The following PCDH15 variants were observed in gnomAD, a reference collection of about 807,000 sequenced individuals.
The protein encoded by PCDH15 is protocadherin-15.
Under a neutral mutation model 178.5 loss-of-function variants are expected in PCDH15, and 129 were observed. The ratio of observed to expected loss-of-function variants is 0.72; its 90% CI spans 0.63 to 0.84. The LOEUF (loss-of-function observed/expected upper bound fraction) is 0.84, where lower values mean the gene tolerates loss of function less well. Among genes scored for constraint, PCDH15 ranks in the 40% least tolerant of loss-of-function variants. The pLI, the probability that PCDH15 is intolerant of heterozygous loss-of-function variation, is 0.00. For missense variants in PCDH15, 2,230 were observed against 2,099.9 expected (o/e 1.06, Z -1.21); for synonymous variants, 800 against 732.0 (o/e 1.09, Z -1.50).
chr10:54,024,038 T>C (rs899643720), intron 18 of PCDH15, among the ~76,000 whole-genome samples: 2 of 152,140 alleles, frequency 1.3e-5, no homozygotes, highest in African/African-American at 4.8e-5. Flanking sequence ...CATTAGAATA[T>C]ACATCTCTGC....
chr10:54,320,911 G>C (rs998411286), intron 7 of PCDH15, among the ~76,000 whole-genome samples: 1 of 151,704 alleles, frequency 6.6e-6, no homozygotes, highest in African/African-American at 2.4e-5. Context: ...GCATCATCCA[G>C]TGTTTTAAAT....
At chr10:54,745,694 G>A (rs1424908712) in intron 1 of PCDH15, among the ~76,000 whole-genome samples, 1 of 152,056 alleles carries the variant, frequency 6.6e-6, no homozygotes. Context: ...TTAAAGAATG[G>A]GGGAGGGTAA....
intron 10 of PCDH15, 76 bp downstream of exon 10, chr10:54,213,860 G>T: frequency 1.1e-6 from 1 of 931,796 alleles, no homozygotes; most frequent in Non-Finnish European, 1.7e-6. Flanking sequence ...ACATAAAACT[G>T]CCTACAGTAG....
At chr10:54,225,158 G>C (rs2134236868) in intron 9 of PCDH15, among the ~76,000 whole-genome samples, 1 of 152,216 alleles carries the variant, frequency 6.6e-6, no homozygotes, top group South Asian at 2.1e-4. Flanking sequence ...ACACTAGAAA[G>C]ACCGAGTTCT....
At position 53,811,584 on chromosome 10, in the gene PCDH15, C is replaced by G. The variant is rs770830769; in HGVS notation, c.4527G>C (p.Gln1509His). ...LSMESGIDPG[Q>H]EYGQDYYSYE... Reference sequence around the variant, plus strand: ...AACTGTAATAATCTTGTCCATATTCCTGGCCAGGATCAATTCCAGACTCCA... The same window carrying G: ...AACTGTAATAATCTTGTCCATATTCGTGGCCAGGATCAATTCCAGACTCCA... Residue 1509 changes from glutamine to histidine, a missense_variant, in exon 36 of 38, where the codon CAG (glutamine) becomes CAC (histidine). Physicochemically the swap from Gln to His is conservative, Grantham distance 24. Transcript: ENST00000644397. 1.9e-6 allele frequency: 3 copies of G among 1,571,854 alleles called. No individual in the cohort carries two copies. Among genetic ancestry groups the G allele is most frequent in the Middle Eastern group, 3.4e-4 (2 of 5,916 alleles).
chr10:55,098,995 G>T (rs1198903447), intron 2 of PCDH15, among the ~76,000 whole-genome samples: 1 of 151,008 alleles, frequency 6.6e-6, no homozygotes, highest in Non-Finnish European at 1.5e-5. Context: ...ACTCTCTTGT[G>T]TGTTGCGTGT....
chr10:54,059,940 A>T (rs1911382), intron 18 of PCDH15, among the ~76,000 whole-genome samples: 4 of 152,028 alleles, frequency 2.6e-5, no homozygotes, highest in East Asian at 1.9e-4. Flanking sequence ...TAGAGCTGTC[A>T]GTCTATCCAA....
intron 23 of PCDH15, among the ~76,000 whole-genome samples, chr10:53,948,134 A>AGT: frequency 6.6e-6 from 1 of 152,096 alleles, no homozygotes; most frequent in Non-Finnish European, 1.5e-5. Context: ...CTGGACTTAC[A>AGT]ACGGGGTTAG....
At chr10:53,895,189 C>T (rs1057248163) in intron 26 of PCDH15, among the ~76,000 whole-genome samples, 1 of 152,136 alleles carries the variant, frequency 6.6e-6, no homozygotes, top group Non-Finnish European at 1.5e-5. Flanking sequence ...TGTCTAGAAA[C>T]ATTATGTATT....
At chr10:54,566,021 T>C (rs1207011777) in intron 2 of PCDH15, among the ~76,000 whole-genome samples, 3 of 152,084 alleles carry the variant, frequency 2.0e-5, no homozygotes, top group African/African-American at 7.2e-5. Context: ...GAAGCGGAGT[T>C]TGCAGCGAGC....
At chr10:55,442,796 T>C (rs886868685) in intron 2 of PCDH15, among the ~76,000 whole-genome samples, 1 of 151,954 alleles carries the variant, frequency 6.6e-6, no homozygotes, top group East Asian at 1.9e-4. Flanking sequence ...CCCATTTTTT[T>C]CCAGATTAAA....
rs766039931 is a variant in PCDH15, at chr10:53,827,457, G to T, written c.4303C>A (p.Pro1435Thr). ...AVPAPAPVAA[P>T]PPPPPPPPGA... ...GGCGGAGGCGGCGGCGGCGGCGGGG[G>T]CGCTGCCACTGGTGCAGGAGCCGGC... The change falls in exon 32 of 38, where the codon CCC (proline) becomes ACC (threonine). Residue 1435 changes from proline (P) to threonine (T), a missense_variant. By Grantham distance (38) the Pro-to-Thr change is conservative (BLOSUM62 -1). Coordinates refer to ENST00000644397, the MANE Select transcript of PCDH15 (RefSeq NM_001384140.1). The T allele has an allele frequency of 6.8e-6, 11 of 1,613,618 alleles. No individual in the cohort carries two copies. In the East Asian group the frequency reaches 2.0e-4, roughly 29 times the overall value.
chr10:54,584,449 C>T (rs991801777), intron 2 of PCDH15, among the ~76,000 whole-genome samples: 1 of 151,932 alleles, frequency 6.6e-6, no homozygotes, highest in Non-Finnish European at 1.5e-5. Context: ...CAAACACTCT[C>T]AATAGTTTTT....
rs371497605 is a variant in PCDH15 at position 54,023,014 on chromosome 10, T to C, written c.2404A>G (p.Thr802Ala). Residue 802 changes from threonine to alanine, a missense_variant, in exon 19 of 38, where the codon ACT (threonine) becomes GCT (alanine). Physicochemically the swap from Thr to Ala is moderately conservative, Grantham distance 58 (BLOSUM62 0). Coordinates refer to ENST00000644397, the MANE Select transcript of PCDH15 (RefSeq NM_001384140.1). ...AAAACCTTGATGGCCAAGGTTAGAG[T>C]TGAATGACGAGGGTGTACTGCTCCA... The part of the protein sequence containing the change: ...TDGAVHPRHS[T>A]LTLAIKVLDI... 8.1e-6 allele frequency: 13 copies of C among 1,613,918 alleles called. No homozygotes were observed. The highest frequency in any genetic ancestry group is 1.0e-5 in the Non-Finnish European group (12 of 1,179,888).
intron 1 of PCDH15, among the ~76,000 whole-genome samples, chr10:55,178,176 TG>T (rs2132131101): frequency 6.6e-6 from 1 of 152,218 alleles, no homozygotes; most frequent in African/African-American, 2.4e-5. Flanking sequence ...TTCCTTCCAT[TG>T]GCAGTGGCAT....
chr10:53,961,914 T>A (rs778880660), intron 21 of PCDH15, 22 bp from the exon 22 acceptor site: 16 of 1,586,028 alleles, frequency 1.0e-5, no homozygotes, highest in Non-Finnish European at 1.3e-5. Context: ...TTATTAATTA[T>A]TAATTTGCTG....
At chr10:54,361,810 T>C (rs1172001768) in intron 5 of PCDH15, among the ~76,000 whole-genome samples, 1 of 152,106 alleles carries the variant, frequency 6.6e-6, no homozygotes, top group African/African-American at 2.4e-5. Flanking sequence ...GAAATAAATA[T>C]GAATTTTCAA....
intron 6 of PCDH15, among the ~76,000 whole-genome samples, chr10:54,335,862 G>T (rs1471825647): frequency 2.0e-5 from 3 of 152,134 alleles, no homozygotes; most frequent in African/African-American, 7.2e-5. Context: ...GGCAGAGGTT[G>T]GAACAGTTTG....
intron 2 of PCDH15, among the ~76,000 whole-genome samples, chr10:54,655,274 G>GAGAT: frequency 1.7e-5 from 2 of 120,726 alleles, no homozygotes; most frequent in Non-Finnish European, 3.6e-5. Flanking sequence ...GAGAGAGAGA[G>GAGAT]AGAGAGAGAG....
Sources: allele counts gnomAD v4.1 joint callset (sites outside exome capture counted in the v4.1 genomes callset), GRCh38; gene constraint gnomAD v4.1.1; transcripts MANE v1.5; gene names NCBI Gene and HGNC (gene_info 2026-07-23, HGNC 2026-07-21).